Variants in STAC observed in about 807,000 individuals in gnomAD.
STAC encodes SH3 and cysteine rich domain, also known as SH3 and cysteine-rich domain-containing protein.
Under a neutral mutation model 48.8 loss-of-function variants are expected in STAC, and 43 were observed. The observed-to-expected ratio is 0.88, with a 90% CI of 0.69 to 1.14. The LOEUF is 1.14. Ranked by LOEUF, STAC falls within the 50% of genes most tolerant of loss-of-function variation. The pLI is 0.00. For missense variants in STAC, 497 were observed against 504.0 expected (o/e 0.99, Z 0.13); for synonymous variants, 193 against 179.5 (o/e 1.07, Z -0.60).
intron 10 of STAC, among the ~76,000 whole-genome samples, chr3:36,543,930 C>A (rs992677434): frequency 6.6e-6 from 1 of 152,100 alleles, no homozygotes; most frequent in African/African-American, 2.4e-5. Flanking sequence ...TATTTAAATT[C>A]AACATGTTTT....
In STAC at chr3:36,483,027, T is replaced by C. The variant is rs1392385328; in HGVS notation, c.424T>C (p.Cys142Arg). The change falls in exon 3 of 11, where the codon TGT (cysteine) becomes CGT (arginine). Residue 142 changes from cysteine to arginine, a missense_variant. Coordinates refer to ENST00000273183, the MANE Select transcript of STAC (RefSeq NM_003149.3). Reference sequence around the variant, plus strand: ...TAAGCATGGACTGCGCTGCAAAGCCTGTAAGATGAGCATCCACCACAAGTG... The same window carrying C: ...TAAGCATGGACTGCGCTGCAAAGCCCGTAAGATGAGCATCCACCACAAGTG... ...NAKHGLRCKA[C>R]KMSIHHKCTD... is the part of the protein sequence containing the mutation. The C allele has an allele frequency of 6.2e-7, 1 of 1,614,180 alleles. No individual in the cohort carries two copies. Among genetic ancestry groups the C allele is most frequent in the Non-Finnish European group, 8.5e-7 (1 of 1,180,026 alleles).
intron 1 of STAC, among the ~76,000 whole-genome samples, chr3:36,424,273 CT>C (rs1700514092): frequency 6.6e-6 from 1 of 150,464 alleles, no homozygotes; most frequent in Non-Finnish European, 1.5e-5. Context: ...AAAAACAAAA[CT>C]GTTCTCTCTT....
At chr3:36,484,281 G>T (rs1304082317) in intron 3 of STAC, among the ~76,000 whole-genome samples, 1 of 152,192 alleles carries the variant, frequency 6.6e-6, no homozygotes, top group Non-Finnish European at 1.5e-5. Context: ...ACATTAGACA[G>T]GATTCTGGAA....
chr3:36,380,634 C>T lies in STAC; in HGVS notation c.-10C>T, dbSNP rs113135397. 0.23 allele frequency: 364,675 copies of T among 1,572,542 alleles called. 44,167 individuals carry two copies. Among genetic ancestry groups the T allele is most frequent in the Admixed American group, 0.26 (14,557 of 55,008 alleles). ...CTCCGGGAGCCCAACACCGTTCCCG[C>T]GCGGCCACGATGATCCCTCCGAGCA... On this transcript the variant is annotated 5_prime_UTR_variant, in exon 1 of 11. Coordinates refer to ENST00000273183, the MANE Select transcript of STAC (RefSeq NM_003149.3).
chr3:36,481,570 A>C (rs10510685), intron 2 of STAC, among the ~76,000 whole-genome samples: 7,300 of 152,234 alleles, frequency 0.048, 260 homozygotes, highest in Non-Finnish European at 0.069. Context: ...TACTACCTGG[A>C]CATATTCATT....
At chr3:36,441,437 T>A (rs1223709724) in intron 1 of STAC, among the ~76,000 whole-genome samples, 1 of 152,222 alleles carries the variant, frequency 6.6e-6, no homozygotes, top group Non-Finnish European at 1.5e-5. Flanking sequence ...TTCTTTTTTA[T>A]GGCTGAATAG....
chr3:36,453,764 CCTG>C lies in STAC; in HGVS notation c.388+10125_388+10127del, dbSNP rs1474518722. 4.1e-3 allele frequency among the ~76,000 whole-genome samples: 115 copies of C among 27,786 alleles called. 51 individuals are homozygous for C. Among genetic ancestry groups the C allele is most frequent in the Middle Eastern group, 0.029 (2 of 70 alleles). 18.2% of individuals were successfully genotyped at this position (27,786 alleles called of 152,430 possible). ...TCCACTGGGTGAAGCCAGCTGGGCT[CCTG>C]AGTCTGGTGGGGACGTGGAGAACCT... On this transcript the variant is annotated intron_variant, in intron 2 of 10. Coordinates refer to ENST00000273183, the MANE Select transcript of STAC (RefSeq NM_003149.3).
intron 2 of STAC, among the ~76,000 whole-genome samples, chr3:36,475,000 T>C (rs773656186): frequency 3.9e-5 from 6 of 152,050 alleles, no homozygotes; most frequent in South Asian, 2.1e-4. Context: ...TTTTCTCGTG[T>C]GTGTGTGTGT....
rs542124000 is a variant in STAC, at chr3:36,445,556, C to T, written c.388+1916C>T. ...AAGTAGGGGCTGGTGTATGCTCTAA[C>T]TTCCTAAAACAATAAATAGGGTATT... On this transcript the variant is annotated intron_variant, in intron 2 of 10. Coordinates refer to ENST00000273183, the MANE Select transcript of STAC (RefSeq NM_003149.3). 5.9e-4 allele frequency among the ~76,000 whole-genome samples: 90 copies of T among 152,258 alleles called. 1 individual carries two copies. The highest frequency in any genetic ancestry group is 1.9e-3 in the African/African-American group (81 of 41,552).
At chr3:36,487,966 A>G (rs542800112) in intron 5 of STAC, among the ~76,000 whole-genome samples, 1 of 152,236 alleles carries the variant, frequency 6.6e-6, no homozygotes, top group Non-Finnish European at 1.5e-5. Context: ...CAAAGCATAC[A>G]TGGGTAGGAT....
chr3:36,467,009 G>A (rs1435845998), intron 2 of STAC, among the ~76,000 whole-genome samples: 1 of 151,480 alleles, frequency 6.6e-6, no homozygotes, highest in East Asian at 1.9e-4. Context: ...TTACCTTAAG[G>A]TATGTCCCTT....
intron 8 of STAC, among the ~76,000 whole-genome samples, chr3:36,514,201 CTTCTT>C (rs1698611727): frequency 9.2e-6 from 1 of 109,142 alleles, no homozygotes; most frequent in Admixed American, 1.0e-4. Flanking sequence ...CTACACTGGC[CTTCTT>C]TTTTTTTTTT....
chr3:36,443,457 A>G lies in STAC; in HGVS notation c.205A>G (p.Met69Val), dbSNP rs1442285690. ...CTTCCAGCGAACCAACAGCGAAGAC[A>G]TGAAACTGCAAGCACACATGGTGGC... is the stretch of plus-strand genomic sequence containing the variant. ...NFFQRTNSED[M>V]KLQAHMVAEI... The change falls in exon 2 of 11, where the codon ATG becomes GTG. Residue 69 changes from methionine to valine, a missense_variant. Transcript: ENST00000273183. The surrounding 1 kb of genome is among the most constrained non-coding windows in gnomAD (Gnocchi z 4.2). 4 of 1,614,124 alleles carry G rather than the reference A, an allele frequency of 2.5e-6. No homozygotes were observed. Among genetic ancestry groups the G allele is most frequent in the Non-Finnish European group, 3.4e-6 (4 of 1,180,050 alleles).
chr3:36,441,123 A>G lies in STAC; in HGVS notation c.112-2241A>G, dbSNP rs577235746. The stretch of plus-strand genomic sequence containing the variant: ...ATTCAAAAGTATCCTCCTTCTAGCT[A>G]TTTGAAACTATATAATGTATTGTTG... On this transcript the variant is annotated intron_variant, in intron 1 of 10. Coordinates refer to ENST00000273183, the MANE Select transcript of STAC (RefSeq NM_003149.3). Among the ~76,000 whole-genome samples the G allele has an allele frequency of 4.6e-5, 7 of 152,256 alleles. No homozygotes were observed. In the South Asian group the frequency reaches 1.4e-3, roughly 32 times the overall value.
Position 36,380,554 on chromosome 3 carries a change from C to A in STAC, c.-90C>A. 1 of 1,067,728 alleles carries A rather than the reference C, an allele frequency of 9.4e-7. No homozygotes were observed. Among genetic ancestry groups the A allele is most frequent in the Non-Finnish European group, 1.4e-6 (1 of 715,882 alleles). 66.1% of individuals were successfully genotyped at this position (1,067,728 alleles called of 1,614,324 possible). On this transcript the variant is annotated 5_prime_UTR_variant, in exon 1 of 11. In the 5' UTR this introduces an upstream ATG that the reference lacks. Transcript: ENST00000273183. ...GGATGGGAGTCCCCAGGACCCGGAGCTGAGCAGCCTGGCGCGCGGCGGGCA... is the reference window on the plus strand; with the variant it reads ...GGATGGGAGTCCCCAGGACCCGGAGATGAGCAGCCTGGCGCGCGGCGGGCA...
intron 1 of STAC, among the ~76,000 whole-genome samples, chr3:36,442,843 A>AG (rs1368418791): frequency 1.3e-5 from 2 of 150,784 alleles, no homozygotes; most frequent in Non-Finnish European, 2.9e-5. Context: ...AGCAGACTTG[A>AG]GAGTTCCTGG....
chr3:36,524,771 G>A (rs1402894037), intron 8 of STAC, among the ~76,000 whole-genome samples: 1 of 151,712 alleles, frequency 6.6e-6, no homozygotes, highest in African/African-American at 2.4e-5. Flanking sequence ...GGTGATGCCT[G>A]GAAGGATATG....
At chr3:36,492,093 A>T (rs1698003232) in intron 5 of STAC, among the ~76,000 whole-genome samples, 1 of 117,630 alleles carries the variant, frequency 8.5e-6, no homozygotes, top group African/African-American at 3.2e-5. Flanking sequence ...GGCCCCCTAA[A>T]TTCCTCTTGT....
chr3:36,437,639 AG>A (rs1696184271), intron 1 of STAC, among the ~76,000 whole-genome samples: 1 of 57,684 alleles, frequency 1.7e-5, no homozygotes, highest in Admixed American at 2.6e-4. Context: ...GGGTGGGGGG[AG>A]GGGGGAGGGA....
Sources: gnomAD v4.1 joint callset for allele counts (sites outside exome capture counted in the v4.1 genomes callset) on GRCh38, gnomAD v4.1.1 for gene constraint, Gnocchi (gnomAD v3.1) non-coding constraint, MANE v1.5 for transcripts, NCBI Gene and HGNC (gene_info 2026-07-23, HGNC 2026-07-21) for gene names.